ADAMTSL1: variants seen among roughly 807,000 people sequenced by gnomAD.
The protein encoded by ADAMTSL1 is ADAMTS-like protein 1.
A neutral mutation model predicts 201.8 loss-of-function variants in ADAMTSL1; 126 were observed. That is an observed-to-expected ratio of 0.62 (90% CI 0.54 to 0.72). The LOEUF (loss-of-function observed/expected upper bound fraction) is 0.72. Among genes scored for constraint, ADAMTSL1 ranks in the 30% least tolerant of loss-of-function variants. The probability of loss-of-function intolerance (pLI) is 0.00; values close to 1 mark genes in which losing one functional copy is unlikely to be tolerated. For missense variants in ADAMTSL1, 2,679 were observed against 2,277.8 expected (o/e 1.18, Z -3.59); for synonymous variants, 1,121 against 903.4 (o/e 1.24, Z -4.32).
chr9:18,222,555 A>G (rs1174695611), intron 2 of ADAMTSL1, among the ~76,000 whole-genome samples: 1 of 151,146 alleles, frequency 6.6e-6, no homozygotes, highest in Admixed American at 6.6e-5. Context: ...TTAGGATTTT[A>G]GTCCTACTTT....
chr9:18,192,371 G>T (rs1444312438), intron 2 of ADAMTSL1, among the ~76,000 whole-genome samples: 1 of 152,046 alleles, frequency 6.6e-6, no homozygotes, highest in Non-Finnish European at 1.5e-5. Context: ...ATCCCCTAAA[G>T]AAGTCATATC....
intron 19 of ADAMTSL1, among the ~76,000 whole-genome samples, chr9:18,792,147 CT>C (rs1822103286): frequency 6.6e-6 from 1 of 152,138 alleles, no homozygotes; most frequent in African/African-American, 2.4e-5. Context: ...TCATGTGCCC[CT>C]CTCACTCCTT....
chr9:18,115,501 C>G (rs930210311), intron 1 of ADAMTSL1, among the ~76,000 whole-genome samples: 22 of 152,156 alleles, frequency 1.4e-4, no homozygotes, highest in African/African-American at 5.3e-4. Context: ...GAGAAACACA[C>G]ACCAATGATA....
chr9:18,826,386 C>G lies in ADAMTSL1; in HGVS notation c.4037C>G (p.Ser1346Trp), dbSNP rs781186120. 9 of 1,613,606 alleles carry G rather than the reference C, an allele frequency of 5.6e-6. No individual in the cohort carries two copies. Among genetic ancestry groups the G allele is most frequent in the East Asian group, 2.2e-5 (1 of 44,882 alleles). ...GSLLLTNVSSSDQGLYSCRAA... is the reference protein window; with the variant it reads ...GSLLLTNVSSWDQGLYSCRAA... ...TTGCTGCTCACAAACGTGTCCTCCTCGGATCAGGGCCTGTACTCCTGCAGG... is the reference window on the plus strand; with the variant it reads ...TTGCTGCTCACAAACGTGTCCTCCTGGGATCAGGGCCTGTACTCCTGCAGG... Residue 1346 changes from serine to tryptophan, a missense_variant, in exon 22 of 29, where the codon TCG (serine) becomes TGG (tryptophan). Physicochemically the swap from Ser to Trp is radical, Grantham distance 177. Transcript: ENST00000380548.
At chr9:18,220,649 G>T (rs1830221606) in intron 2 of ADAMTSL1, among the ~76,000 whole-genome samples, 1 of 151,952 alleles carries the variant, frequency 6.6e-6, no homozygotes, top group South Asian at 2.1e-4. Context: ...CGTCTTACTT[G>T]GTACTCTCTA....
chr9:18,356,350 C>A (rs1255679256), intron 2 of ADAMTSL1, among the ~76,000 whole-genome samples: 1 of 151,990 alleles, frequency 6.6e-6, no homozygotes, highest in East Asian at 1.9e-4. Flanking sequence ...CAGGGACCCG[C>A]CCCTGTCTGC....
intron 2 of ADAMTSL1, among the ~76,000 whole-genome samples, chr9:18,202,797 C>T (rs763028693): frequency 1.6e-4 from 25 of 152,224 alleles, no homozygotes; most frequent in Middle Eastern, 3.4e-3. Flanking sequence ...CAGTTTCTGT[C>T]TTCAGAATAG....
At chr9:18,215,560 A>G (rs1165878489) in intron 2 of ADAMTSL1, among the ~76,000 whole-genome samples, 1 of 152,172 alleles carries the variant, frequency 6.6e-6, no homozygotes, top group African/African-American at 2.4e-5. Context: ...CTAGCAATCA[A>G]AAAAAATCCC....
intron 1 of ADAMTSL1, among the ~76,000 whole-genome samples, chr9:18,114,815 T>C (rs559495162): frequency 1.8e-4 from 27 of 152,200 alleles, no homozygotes; most frequent in African/African-American, 5.8e-4. Flanking sequence ...CTAAAGACAG[T>C]GGTGAAGGCT....
At chr9:18,216,314 A>G (rs1944765) in intron 2 of ADAMTSL1, among the ~76,000 whole-genome samples, 142,331 of 152,244 alleles carry the variant, frequency 0.93, 66,693 homozygotes, top group East Asian at 1. Context: ...AGCATGAAGC[A>G]TTGTGGTATA....
intron 9 of ADAMTSL1, among the ~76,000 whole-genome samples, chr9:18,669,469 CT>C (rs1829677872): frequency 6.6e-6 from 1 of 152,056 alleles, no homozygotes; most frequent in Non-Finnish European, 1.5e-5. Flanking sequence ...GTTTTCAGAT[CT>C]GCATAAAGCA....
chr9:17,908,651 T>A (rs1186980447), intron 1 of ADAMTSL1, among the ~76,000 whole-genome samples: 1 of 152,130 alleles, frequency 6.6e-6, no homozygotes, highest in Non-Finnish European at 1.5e-5. Context: ...AGAGACGGGT[T>A]TTCACCTTGC....
intron 1 of ADAMTSL1, among the ~76,000 whole-genome samples, chr9:18,079,748 C>T (rs1050717486): frequency 1.3e-5 from 2 of 151,692 alleles, no homozygotes; most frequent in Admixed American, 6.6e-5. Context: ...TAAAAAGCAA[C>T]CATTGGTACA....
intron 23 of ADAMTSL1, among the ~76,000 whole-genome samples, chr9:18,879,640 A>ATACTT (rs1243940342): frequency 6.6e-6 from 1 of 152,230 alleles, no homozygotes; most frequent in Non-Finnish European, 1.5e-5. Flanking sequence ...TAATTTAAAA[A>ATACTT]TACTTTATTG....
intron 2 of ADAMTSL1, among the ~76,000 whole-genome samples, chr9:18,238,014 G>T (rs912318045): frequency 2.0e-5 from 3 of 152,200 alleles, no homozygotes; most frequent in Non-Finnish European, 2.9e-5. Context: ...GGAGGGAGGG[G>T]CTTCAATGAC....
intron 1 of ADAMTSL1, among the ~76,000 whole-genome samples, chr9:18,003,635 G>A (rs12346508): frequency 2.0e-5 from 3 of 151,890 alleles, no homozygotes; most frequent in Non-Finnish European, 2.9e-5. Flanking sequence ...GTAGCAAGTC[G>A]GATGGGAATC....
chr9:18,512,091 G>C (rs182492306), intron 2 of ADAMTSL1, among the ~76,000 whole-genome samples: 1 of 152,300 alleles, frequency 6.6e-6, no homozygotes, highest in East Asian at 1.9e-4. Context: ...GTATGAGATA[G>C]TCTTTTCATT....
intron 26 of ADAMTSL1, among the ~76,000 whole-genome samples, chr9:18,893,402 A>G (rs1332663556): frequency 6.6e-6 from 1 of 152,208 alleles, no homozygotes; most frequent in African/African-American, 2.4e-5. Context: ...AGAAAAATAC[A>G]TAGGTCTTGC....
intron 1 of ADAMTSL1, among the ~76,000 whole-genome samples, chr9:18,036,778 G>A (rs1261379986): frequency 1.3e-5 from 2 of 152,158 alleles, no homozygotes; most frequent in Non-Finnish European, 2.9e-5. Context: ...CCAAAGTTCA[G>A]ACCACATTAT....
Sources: gnomAD v4.1 joint callset for allele counts (sites outside exome capture counted in the v4.1 genomes callset) on GRCh38, gnomAD v4.1.1 for gene constraint, MANE v1.5 for transcripts, NCBI Gene and HGNC (gene_info 2026-07-23, HGNC 2026-07-21) for gene names.